VRTN: variants seen among roughly 807,000 people sequenced by gnomAD.
The protein encoded by VRTN is vertebrae development associated.
VRTN carries 5 observed loss-of-function variants against 18.2 expected under a neutral mutation model. The ratio of observed to expected loss-of-function variants is 0.27; its 90% CI spans 0.14 to 0.58. The LOEUF (loss-of-function observed/expected upper bound fraction) is 0.58. Ranked by LOEUF, VRTN falls within the 20% of genes least tolerant of loss-of-function variation. The probability of loss-of-function intolerance (pLI) is 0.91; values close to 1 mark genes in which losing one functional copy is unlikely to be tolerated. For synonymous variants in VRTN, 381 were observed against 393.7 expected (o/e 0.97, Z 0.38); for missense variants, 741 against 939.4 (o/e 0.79, Z 2.76).
chr14:74,334,008 G>C (rs948645803), intron 1 of VRTN, among the ~76,000 whole-genome samples: 3 of 152,088 alleles, frequency 2.0e-5, no homozygotes, highest in Non-Finnish European at 4.4e-5. Flanking sequence ...CCATTTCACA[G>C]ATGAGGGAAC....
Position 74,306,172 on chromosome 14 carries a change from A to ATATAT in VRTN, c.-164+2997_-164+2998insATATT, listed in dbSNP as rs1303177798. 75 of 75,636 alleles carry ATATAT rather than the reference A, an allele frequency of 9.9e-4. 1 individual carries two copies. The highest frequency in any genetic ancestry group is 3.1e-3 in the African/African-American group (64 of 20,954). 4.7% of individuals were successfully genotyped at this position (75,636 alleles called of 1,614,324 possible). A position where few individuals can be genotyped will look rare whatever the true frequency, so the allele number is the denominator to read the frequency against. On this transcript the variant is annotated intron_variant, in intron 1 of 2. Transcript: ENST00000557177. ...TATATATATATATATATATATATAT[A>ATATAT]TTTTTTTTTTTTTTTTGAGACAGAG...
At chr14:74,304,617 C>T (rs562685068) in intron 1 of VRTN, among the ~76,000 whole-genome samples, 4 of 152,208 alleles carry the variant, frequency 2.6e-5, no homozygotes, top group Non-Finnish European at 2.9e-5. Flanking sequence ...CACTAGATGC[C>T]GGTGGCATTC....
intron 2 of VRTN, among the ~76,000 whole-genome samples, chr14:74,339,267 C>T (rs577400953): frequency 1.3e-3 from 203 of 152,168 alleles, no homozygotes; most frequent in African/African-American, 4.6e-3. Context: ...AGATATCACT[C>T]GCCCCATTTC....
intron 1 of VRTN, among the ~76,000 whole-genome samples, chr14:74,321,575 G>A (rs773229475): frequency 1.4e-5 from 2 of 146,618 alleles, no homozygotes; most frequent in Non-Finnish European, 3.0e-5. Flanking sequence ...GTGTGGTCTC[G>A]GCTCACTGCA....
intron 1 of VRTN, among the ~76,000 whole-genome samples, chr14:74,315,966 G>T (rs970044660): frequency 1.3e-5 from 2 of 152,174 alleles, no homozygotes; most frequent in African/African-American, 2.4e-5. Flanking sequence ...ATCAGTCACT[G>T]GGTGTGGGAT....
At chr14:74,333,647 C>G (rs1361539818) in intron 1 of VRTN, among the ~76,000 whole-genome samples, 6 of 151,930 alleles carry the variant, frequency 3.9e-5, no homozygotes, top group Admixed American at 1.3e-4. Context: ...CAAGACCAGC[C>G]TGATCAACAT....
chr14:74,359,917 T>TCA lies in VRTN; in HGVS notation c.*1028_*1029dup, dbSNP rs1324293393. 2 of 167,064 alleles carry TCA rather than the reference T, an allele frequency of 1.2e-5. No homozygotes were observed. Among genetic ancestry groups the TCA allele is most frequent in the African/African-American group, 4.8e-5 (2 of 41,414 alleles). The allele number at this position is 167,064 out of a possible 1,614,324, so 10.3% of individuals were successfully genotyped here. ...CTGGAGGCCCATCTTCAGTGAGAGA[T>TCA]CACAAAGCGGCCAGGCAGGTGGGAG... On this transcript the variant is annotated 3_prime_UTR_variant, in exon 2 of 2. Coordinates refer to ENST00000256362, the MANE Select transcript of VRTN (RefSeq NM_018228.3).
At chr14:74,344,178 G>A (rs1595172471), upstream of VRTN, among the ~76,000 whole-genome samples, 1 of 138,296 alleles carries the variant, frequency 7.2e-6, no homozygotes, top group East Asian at 2.2e-4. Flanking sequence ...GGAGGCCAAA[G>A]GGGGAGGATC....
At chr14:74,330,687 T>A (rs11850187) in intron 1 of VRTN, among the ~76,000 whole-genome samples, 1 of 151,296 alleles carries the variant, frequency 6.6e-6, no homozygotes, top group African/African-American at 2.4e-5. Context: ...GTGATCCGCC[T>A]GCCTCAGCCT....
At chr14:74,318,962 G>A (rs1020881914) in intron 1 of VRTN, among the ~76,000 whole-genome samples, 3 of 151,894 alleles carry the variant, frequency 2.0e-5, no homozygotes, top group African/African-American at 7.3e-5. Flanking sequence ...TGATCGACCT[G>A]CCTCGGCCTC....
intron 1 of VRTN, among the ~76,000 whole-genome samples, chr14:74,304,251 G>C (rs980451991): frequency 1.3e-5 from 2 of 151,698 alleles, no homozygotes; most frequent in African/African-American, 4.9e-5. Flanking sequence ...GTGCCTCCCG[G>C]GTTCAAGCGA....
intron 1 of VRTN, among the ~76,000 whole-genome samples, chr14:74,318,711 CT>C (rs35673718): frequency 0.23 from 27,393 of 121,666 alleles, 4,578 homozygotes; most frequent in East Asian, 0.51. Context: ...CGTGTCCGGC[CT>C]TTTTTTTTTT....
chr14:74,318,328 T>G (rs995641757), intron 1 of VRTN, among the ~76,000 whole-genome samples: 3 of 151,272 alleles, frequency 2.0e-5, no homozygotes, highest in East Asian at 1.9e-4. Flanking sequence ...TGGAGCGCAA[T>G]GGCGTGATCT....
chr14:74,350,933 A>G (rs908132474), intron 1 of VRTN, among the ~76,000 whole-genome samples: 1 of 152,230 alleles, frequency 6.6e-6, no homozygotes, highest in Non-Finnish European at 1.5e-5. Flanking sequence ...GTGTAAGGGT[A>G]TAAAAATATC....
chr14:74,316,159 G>A (rs140829279), intron 1 of VRTN, among the ~76,000 whole-genome samples: 1 of 152,252 alleles, frequency 6.6e-6, no homozygotes, highest in East Asian at 1.9e-4. Flanking sequence ...GGGGAGAGAG[G>A]ATGATGGTGG....
At chr14:74,330,523 C>A (rs553056760) in intron 1 of VRTN, among the ~76,000 whole-genome samples, 2 of 150,386 alleles carry the variant, frequency 1.3e-5, no homozygotes, top group African/African-American at 4.9e-5. Flanking sequence ...CTCACTGCAA[C>A]CTCTGCCTCC....
chr14:74,357,413 C>T lies in VRTN; in HGVS notation c.630C>T (p.Arg210=), dbSNP rs1053451379. 1.2e-6 allele frequency: 2 copies of T among 1,612,884 alleles called. No homozygotes were observed. Among genetic ancestry groups the T allele is most frequent in the African/African-American group, 2.7e-5 (2 of 74,914 alleles). ...TCAACCGTGTCATCCGGCCCCGCCG[C>T]TGCGACCACGTGCCCTCCACGCTGC... ...PYFNRVIRPR[R]CDHVPSTLHI... Residue 210 remains arginine, a synonymous_variant, in exon 2 of 2, where the codon CGC becomes CGT. Transcript: ENST00000256362. This position sits in a 1 kb window ranked among gnomAD's most constrained non-coding sequence, Gnocchi z 7.8.
intron 1 of VRTN, among the ~76,000 whole-genome samples, chr14:74,327,804 T>C (rs2085497520): frequency 6.6e-6 from 1 of 152,222 alleles, no homozygotes; most frequent in Admixed American, 6.6e-5. Flanking sequence ...CACTGCAACC[T>C]GTGCCTCCCA....
chr14:74,355,614 G>A (rs981906396), intron 1 of VRTN, among the ~76,000 whole-genome samples: 2 of 152,010 alleles, frequency 1.3e-5, no homozygotes, highest in African/African-American at 2.4e-5. Flanking sequence ...TACTCAGTGC[G>A]GCCTCCACCT....
Sources: allele counts gnomAD v4.1 joint callset (sites outside exome capture counted in the v4.1 genomes callset), GRCh38; gene constraint gnomAD v4.1.1; non-coding constraint Gnocchi (gnomAD v3.1); transcripts MANE v1.5; gene names NCBI Gene and HGNC (gene_info 2026-07-23, HGNC 2026-07-21).